The following FBXL13 variants were observed in gnomAD, a reference collection of about 807,000 sequenced individuals.
FBXL13 encodes the protein F-box and leucine-rich repeat protein 13.
In FBXL13, 67 loss-of-function variants were observed where a neutral mutation model predicts 83.6. The ratio of observed to expected loss-of-function variants is 0.80; its 90% CI spans 0.66 to 0.98. The LOEUF (loss-of-function observed/expected upper bound fraction) is 0.98. FBXL13 is among the 50% of genes least tolerant of loss of function. The pLI, the probability that FBXL13 is intolerant of heterozygous loss-of-function variation, is 0.00. For missense variants in FBXL13, 822 were observed against 866.5 expected, an observed-to-expected ratio of 0.95 and a Z score of 0.64; for synonymous variants, 272 against 299.5, an observed-to-expected ratio of 0.91 and a Z score of 0.95.
intron 8 of FBXL13, chr7:102,944,829 A>G (rs1028067818): frequency 2.0e-5 from 9 of 452,654 alleles, no homozygotes; most frequent in African/African-American, 1.4e-4. Flanking sequence ...GTGATATGCA[A>G]TTCCACACTG....
At chr7:102,976,940 C>T (rs1488257126) in intron 6 of FBXL13, among the ~76,000 whole-genome samples, 2 of 152,170 alleles carry the variant, frequency 1.3e-5, no homozygotes, top group East Asian at 1.9e-4. Context: ...CAATACCACC[C>T]ATTTTTCTGT....
intron 6 of FBXL13, among the ~76,000 whole-genome samples, chr7:103,020,845 A>C (rs1019240393): frequency 6.6e-6 from 1 of 152,192 alleles, no homozygotes; most frequent in Non-Finnish European, 1.5e-5. Context: ...AACACAAACA[A>C]ATGGAAAACA....
intron 16 of FBXL13, among the ~76,000 whole-genome samples, chr7:102,865,045 C>T (rs921859315): frequency 3.3e-5 from 5 of 152,110 alleles, no homozygotes; most frequent in African/African-American, 1.2e-4. Context: ...ACCTTGAGAC[C>T]AGTACTCTTT....
Position 103,055,219 on chromosome 7 carries a change from TA to T in FBXL13, c.-1+424del. The T allele has an allele frequency of 2.8e-6, 3 of 1,076,782 alleles. No individual in the cohort carries two copies. In the South Asian group the frequency reaches 4.2e-5, roughly 15 times the overall value. 66.7% of individuals were successfully genotyped at this position (1,076,782 alleles called of 1,614,324 possible). ...AAAATACAGTCAAAATTAATTTCATTAATTAGTTAGTTCCGTAATTAAATCA... is the reference window on the plus strand; with the variant it reads ...AAAATACAGTCAAAATTAATTTCATTATTAGTTAGTTCCGTAATTAAATCA... On this transcript the variant is annotated intron_variant, in intron 2 of 19. Coordinates refer to ENST00000313221, the Ensembl canonical transcript of FBXL13.
intron 17 of FBXL13, among the ~76,000 whole-genome samples, chr7:102,854,521 T>C (rs1263799553): frequency 1.3e-5 from 2 of 152,190 alleles, no homozygotes; most frequent in Non-Finnish European, 2.9e-5. Context: ...TAAAGTATAA[T>C]TAAAAAATAG....
At position 102,994,831 on chromosome 7, in the gene FBXL13, T is replaced by G. The variant is rs562411986; in HGVS notation, c.496-26714A>C. Among the ~76,000 whole-genome samples, 41 of 152,286 alleles carry G rather than the reference T, an allele frequency of 2.7e-4. 1 individual carries two copies. The South Asian group carries it at 8.3e-3, about 31-fold the overall frequency. On this transcript the variant is annotated intron_variant, in intron 6 of 19. Coordinates refer to ENST00000313221, the Ensembl canonical transcript of FBXL13. ...TGGTTCAGGCCACGTGGACAGAAAC[T>G]GTTAGCTATGACAACCCCAAAGTTA...
rs189591250 is a variant in FBXL13 at position 102,893,492 on chromosome 7, C to T, written c.1009-9180G>A. Among the ~76,000 whole-genome samples, 579 of 152,262 alleles carry T rather than the reference C, an allele frequency of 3.8e-3. 5 individuals carry two copies. Among genetic ancestry groups the T allele is most frequent in the African/African-American group, 0.014 (569 of 41,562 alleles). ...TAACTTCAAGAAAGGAGAGGCTGGG[C>T]GCGGTGGCTCGCGCCTGTAATCCCA... On this transcript the variant is annotated intron_variant, in intron 11 of 19. Transcript: ENST00000313221.
chr7:102,826,193 T>C lies in FBXL13; in HGVS notation c.1855-3990A>G, dbSNP rs184277683. Among the ~76,000 whole-genome samples the C allele has an allele frequency of 3.9e-4, 60 of 152,282 alleles. 2 individuals are homozygous for C. The highest frequency in any genetic ancestry group is 3.1e-3 in the East Asian group (16 of 5,190). ...TGTGTGAGAAGTCAGGTAATTTTACTAGCACTTCTGGTGACGATCCCAAGA... is the reference window on the plus strand; with the variant it reads ...TGTGTGAGAAGTCAGGTAATTTTACCAGCACTTCTGGTGACGATCCCAAGA... On this transcript the variant is annotated intron_variant, in intron 18 of 19. Coordinates refer to ENST00000313221, the Ensembl canonical transcript of FBXL13.
chr7:102,878,872 G>A (rs763535321), intron 14 of FBXL13, among the ~76,000 whole-genome samples: 1 of 152,148 alleles, frequency 6.6e-6, no homozygotes, highest in Non-Finnish European at 1.5e-5. Flanking sequence ...TAAATACAAG[G>A]TCAATTTGCT....
intron 11 of FBXL13, among the ~76,000 whole-genome samples, chr7:102,890,791 C>T (rs898319391): frequency 1.3e-5 from 2 of 152,178 alleles, no homozygotes; most frequent in African/African-American, 4.8e-5. Flanking sequence ...ACAGAAAAGA[C>T]ATATATGCAG....
chr7:102,875,710 G>A (rs577791690), intron 16 of FBXL13, among the ~76,000 whole-genome samples: 35 of 152,290 alleles, frequency 2.3e-4, no homozygotes, highest in East Asian at 1.2e-3. Context: ...TAGAGAAACT[G>A]AGAAGCCAAA....
chr7:103,002,348 T>A (rs772809381), intron 6 of FBXL13, among the ~76,000 whole-genome samples: 5 of 152,218 alleles, frequency 3.3e-5, no homozygotes, highest in Non-Finnish European at 7.4e-5. Flanking sequence ...TGAATTCACA[T>A]AATTTTATAT....
chr7:102,897,678 T>C (rs1389312596), intron 11 of FBXL13, among the ~76,000 whole-genome samples: 1 of 152,206 alleles, frequency 6.6e-6, no homozygotes, highest in Non-Finnish European at 1.5e-5. Context: ...CCTTGAGTTC[T>C]TTTTCTTTCC....
Position 102,883,668 on chromosome 7 carries a change from G to T in FBXL13, c.1125C>A (p.Cys375Ter). The change falls in exon 13 of 20, where the codon TGC becomes TGA. Residue 375 changes from cysteine (C) to a stop codon, truncating the protein, a stop_gained. Coordinates refer to ENST00000313221, the Ensembl canonical transcript of FBXL13. LOFTEE classifies it high-confidence loss of function. ...TGAAAACCAGCGATGTAATACGAGA[G>T]CATTTTTCAACTAAAGCCTTTAGAA... 1 of 1,605,738 alleles carries T rather than the reference G, an allele frequency of 6.2e-7. No individual in the cohort carries two copies. Among genetic ancestry groups the T allele is most frequent in the Non-Finnish European group, 8.5e-7 (1 of 1,173,890 alleles).
chr7:102,891,051 A>G (rs1811477281), intron 11 of FBXL13, among the ~76,000 whole-genome samples: 1 of 152,224 alleles, frequency 6.6e-6, no homozygotes. Context: ...ACTATTATGG[A>G]ACATTGTTTT....
At chr7:103,034,701 C>T (rs1006633888) in intron 2 of FBXL13, among the ~76,000 whole-genome samples, 24 of 152,234 alleles carry the variant, frequency 1.6e-4, no homozygotes, top group Admixed American at 1.5e-3. Context: ...AAGTGGGAGC[C>T]CAGGCAGAGG....
intron 11 of FBXL13, among the ~76,000 whole-genome samples, chr7:102,899,304 G>C (rs913550479): frequency 1.3e-5 from 2 of 152,224 alleles, no homozygotes; most frequent in African/African-American, 4.8e-5. Context: ...CAATGATGGA[G>C]ACCCAACATA....
At chr7:102,961,031 G>T (rs1298617619) in intron 8 of FBXL13, among the ~76,000 whole-genome samples, 1 of 148,602 alleles carries the variant, frequency 6.7e-6, no homozygotes, top group African/African-American at 2.5e-5. Flanking sequence ...ATTAGGAAAA[G>T]AGGAAGTCAA....
intron 8 of FBXL13, among the ~76,000 whole-genome samples, chr7:102,951,134 T>C (rs1395952085): frequency 6.6e-6 from 1 of 152,110 alleles, no homozygotes; most frequent in East Asian, 1.9e-4. Context: ...TCTCTATACC[T>C]TCTGCTCAAT....
Sources: allele counts gnomAD v4.1 joint callset (sites outside exome capture counted in the v4.1 genomes callset), GRCh38; gene constraint gnomAD v4.1.1; transcripts MANE v1.5; gene names NCBI Gene and HGNC (gene_info 2026-07-23, HGNC 2026-07-21).